The following STS variants were observed in gnomAD, a reference collection of about 807,000 sequenced individuals.
STS encodes steroid sulfatase, also known as steryl-sulfatase.
In STS, 7 loss-of-function variants were observed where a neutral mutation model predicts 26.8. That is an observed-to-expected ratio of 0.26 (90% CI 0.15 to 0.49). STS has a LOEUF of 0.49. Among genes scored for constraint, STS ranks in the 20% least tolerant of loss-of-function variants. STS has a pLI of 0.98. For missense variants in STS, 434 were observed against 465.6 expected, an observed-to-expected ratio of 0.93 and a Z score of 0.63; for synonymous variants, 199 against 189.4, an observed-to-expected ratio of 1.05 and a Z score of -0.42.
rs777387752 is a variant in STS at position 7,259,528 on chromosome X, G to A, written c.562G>A (p.Val188Ile). 4 of 1,211,704 alleles carry A rather than the reference G, an allele frequency of 3.3e-6. No homozygotes were observed. Among genetic ancestry groups the A allele is most frequent in the South Asian group, 1.8e-5 (1 of 56,982 alleles). The change falls in exon 6 of 11, where the codon GTC becomes ATC. Residue 188 changes from valine to isoleucine, a missense_variant. By Grantham distance (29) the Val-to-Ile change is conservative (BLOSUM62 3). This residue lies in a region of STS where 229 missense variants were observed against 288.3 expected (regional missense o/e 0.79). Transcript: ENST00000674429. Reference protein sequence around the residue: ...KRLVFLPLQIVGVTLLTLAAL... With the variant: ...KRLVFLPLQIIGVTLLTLAAL... ...GCTGGTCTTCCTCCCCCTGCAGATC[G>A]TCGGGGTCACCCTCCTTACCCTTGC...
intron 6 of STS, among the ~76,000 whole-genome samples, chrX:7,266,838 G>C (rs1344024368): frequency 8.9e-6 from 1 of 112,050 alleles, no homozygotes; most frequent in Admixed American, 9.5e-5. Context: ...CACATAATGG[G>C]ACATGTTCAA....
chrX:7,203,711 C>T (rs1169180389), intron 2 of STS, among the ~76,000 whole-genome samples: 1 of 111,282 alleles, frequency 9.0e-6, no homozygotes, highest in Non-Finnish European at 1.9e-5. Context: ...TATCATCATT[C>T]TTTCCAGTTA....
chrX:7,326,129 G>T (rs1400603515), intron 9 of STS, among the ~76,000 whole-genome samples: 1 of 110,677 alleles, frequency 9.0e-6, no homozygotes, highest in Non-Finnish European at 1.9e-5. Context: ...AGACAGGAGG[G>T]CAGGAGAAAG....
At chrX:7,199,460 A>G (rs1934029661) in intron 2 of STS, among the ~76,000 whole-genome samples, 1 of 112,134 alleles carries the variant, frequency 8.9e-6, no homozygotes, top group Non-Finnish European at 1.9e-5. Flanking sequence ...ACTTATTATA[A>G]TAAATCGTGT....
intron 1 of STS, among the ~76,000 whole-genome samples, chrX:7,163,744 C>T (rs1203802328): frequency 8.9e-6 from 1 of 112,614 alleles, no homozygotes; most frequent in Non-Finnish European, 1.9e-5. Flanking sequence ...GACACCAGCT[C>T]GAACCAACTA....
chrX:7,226,130 A>G (rs1417539142), intron 2 of STS, among the ~76,000 whole-genome samples: 1 of 112,291 alleles, frequency 8.9e-6, no homozygotes, highest in Admixed American at 9.5e-5. Context: ...TCATCTCAGA[A>G]CGTTCCTGTT....
intron 7 of STS, among the ~76,000 whole-genome samples, chrX:7,283,981 C>G (rs776940642): frequency 9.0e-6 from 1 of 111,105 alleles, no homozygotes; most frequent in South Asian, 3.8e-4. Context: ...AATTGGGAAG[C>G]CAGAGTGTTC....
chrX:7,194,852 G>A (rs901081374), intron 2 of STS, among the ~76,000 whole-genome samples: 5 of 111,664 alleles, frequency 4.5e-5, no homozygotes, highest in Non-Finnish European at 7.5e-5. Context: ...TAGTCACCGC[G>A]TGAACATAAT....
chrX:7,206,385 G>A (rs1018543990), intron 2 of STS, among the ~76,000 whole-genome samples: 2 of 111,921 alleles, frequency 1.8e-5, no homozygotes, highest in African/African-American at 6.5e-5. Context: ...CATTTATCAT[G>A]TTCCGCATGC....
intron 1 of STS, among the ~76,000 whole-genome samples, chrX:7,177,197 G>A (rs753882105): frequency 9.0e-6 from 1 of 110,686 alleles, no homozygotes; most frequent in Non-Finnish European, 1.9e-5. Flanking sequence ...ACACCTTTGG[G>A]GGTTGTGATT....
intron 9 of STS, among the ~76,000 whole-genome samples, chrX:7,328,735 A>G (rs751885729): frequency 7.8e-4 from 86 of 110,552 alleles, no homozygotes; most frequent in African/African-American, 2.8e-3. Context: ...AATTTTTTGC[A>G]TTGTTAATAG....
chrX:7,222,223 A>G (rs1228491572), intron 2 of STS, among the ~76,000 whole-genome samples: 5 of 112,137 alleles, frequency 4.5e-5, no homozygotes, highest in Admixed American at 1.9e-4. Context: ...CACTTCGTCT[A>G]TCGTACTTTG....
chrX:7,278,912 T>C (rs1347212893), intron 7 of STS, among the ~76,000 whole-genome samples: 2 of 111,403 alleles, frequency 1.8e-5, no homozygotes, highest in Non-Finnish European at 3.8e-5. Flanking sequence ...AAAGACATAC[T>C]AATTTATTGA....
Position 7,325,497 on chromosome X carries a change from A to G in STS, c.1240A>G (p.Arg414Gly). The change falls in exon 9 of 11, where the codon AGG becomes GGG. Residue 414 changes from arginine to glycine, a missense_variant and splice_region_variant. Coordinates refer to ENST00000674429, the MANE Select transcript of STS (RefSeq NM_001320752.2). ...GGCTGGAGCTCCCTTGCCTGAGGAC[A>G]GGTACTCTGATGCCAGGGTGGTTGG... is the stretch of plus-strand genomic sequence containing the variant. Reference protein sequence around the residue: ...KLAGAPLPEDRIIDGRDLMPL... With the variant: ...KLAGAPLPEDGIIDGRDLMPL... 1 of 1,210,816 alleles carries G rather than the reference A, an allele frequency of 8.3e-7. No homozygotes were observed. The highest frequency in any genetic ancestry group is 1.1e-6 in the Non-Finnish European group (1 of 895,177).
In STS at chrX:7,332,410, T is replaced by C. The variant is rs147124000; in HGVS notation, c.1242-1576T>C. ...CATGTTCTTATATCACAATATCACA[T>C]GATGAATTTTGTTGGCAGATGGAAA... On this transcript the variant is annotated intron_variant, in intron 9 of 10. Transcript: ENST00000674429. Among the ~76,000 whole-genome samples, 236 of 106,501 alleles carry C rather than the reference T, an allele frequency of 2.2e-3. 3 individuals carry two copies. The highest frequency in any genetic ancestry group is 7.7e-3 in the African/African-American group (224 of 29,119). The allele number at this position is 106,501 out of a possible 115,157, so 92.5% of individuals were successfully genotyped here.
intron 8 of STS, among the ~76,000 whole-genome samples, chrX:7,311,899 C>G (rs1288765896): frequency 9.0e-6 from 1 of 110,970 alleles, no homozygotes; most frequent in African/African-American, 3.3e-5. Flanking sequence ...TGGTGGTACA[C>G]ATCTGGAGTC....
intron 1 of STS, among the ~76,000 whole-genome samples, chrX:7,166,066 GGCGT>G (rs1385477381): frequency 9.4e-6 from 1 of 106,010 alleles, no homozygotes; most frequent in Non-Finnish European, 1.9e-5. Flanking sequence ...GTAGTGCAGT[GGCGT>G]GATTACGGCT....
chrX:7,168,461 T>G (rs746357051), intron 1 of STS, among the ~76,000 whole-genome samples: 3 of 112,027 alleles, frequency 2.7e-5, no homozygotes, highest in African/African-American at 6.5e-5. Flanking sequence ...CAAAGTCTCC[T>G]GCAATGCATC....
At chrX:7,325,638 G>T in intron 9 of STS, 140 bp downstream of exon 9, 1 of 699,718 alleles carries the variant, frequency 1.4e-6, no homozygotes. Flanking sequence ...TTTGAGGCAG[G>T]TCAATTAATA....
Sources: allele counts gnomAD v4.1 joint callset (sites outside exome capture counted in the v4.1 genomes callset), GRCh38; gene constraint gnomAD v4.1.1; regional missense constraint gnomAD v4.1.1; transcripts MANE v1.5; gene names NCBI Gene and HGNC (gene_info 2026-07-23, HGNC 2026-07-21).